The following GRIPAP1 variants were observed in gnomAD, a reference collection of about 807,000 sequenced individuals.
GRIPAP1 encodes the protein GRIP1-associated protein 1.
Under a neutral mutation model 84.1 loss-of-function variants are expected in GRIPAP1, and 14 were observed. The ratio of observed to expected loss-of-function variants is 0.17; its 90% CI spans 0.11 to 0.26. GRIPAP1 has a LOEUF of 0.26. Ranked by LOEUF, GRIPAP1 falls within the 10% of genes least tolerant of loss-of-function variation. The probability of loss-of-function intolerance (pLI) is 1.00; values close to 1 mark genes in which losing one functional copy is unlikely to be tolerated. For missense variants in GRIPAP1, 518 were observed against 674.2 expected (o/e 0.77, Z 2.57); for synonymous variants, 261 against 256.8 (o/e 1.02, Z -0.15).
intron 1 of GRIPAP1, 46 bp downstream of exon 1, chrX:49,002,142 G>GC: frequency 2.2e-6 from 2 of 917,498 alleles, no homozygotes; most frequent in Non-Finnish European, 3.1e-6. Flanking sequence ...TCGCTACCCC[G>GC]CCCCCGGTCG....
chrX:48,998,953 T>TA, intron 3 of GRIPAP1: 1 of 325,966 alleles, frequency 3.1e-6, no homozygotes, highest in Non-Finnish European at 5.3e-6. Flanking sequence ...TCGAGGTAGA[T>TA]TTACTGATAG....
Position 48,974,253 on chromosome X carries a change from C to A in GRIPAP1, c.2466G>T (p.Arg822=). ...DMEVLSQEIV[R]LSKECVGPPD... ...GAGGCCCCACGCACTCCTTGCTGAGCCGCACAATTTCCTGGGACAGAACTT... is the reference window on the plus strand; with the variant it reads ...GAGGCCCCACGCACTCCTTGCTGAGACGCACAATTTCCTGGGACAGAACTT... The change falls in exon 26 of 26, where the codon CGG becomes CGT. Residue 822 remains arginine, a synonymous_variant. Coordinates refer to ENST00000376423, the MANE Select transcript of GRIPAP1 (RefSeq NM_020137.5). 8.3e-7 allele frequency: 1 copy of A among 1,207,197 alleles called. No homozygotes were observed. The highest frequency in any genetic ancestry group is 1.1e-6 in the Non-Finnish European group (1 of 891,532).
chrX:48,985,920 T>C (rs1829180166), intron 13 of GRIPAP1, among the ~76,000 whole-genome samples: 2 of 110,779 alleles, frequency 1.8e-5, no homozygotes, highest in Non-Finnish European at 3.8e-5. Flanking sequence ...GTACATTTCA[T>C]GCACTTTACT....
At chrX:48,999,060 G>C in intron 3 of GRIPAP1, 178 bp downstream of exon 3, 1 of 376,610 alleles carries the variant, frequency 2.7e-6, no homozygotes, top group Non-Finnish European at 4.6e-6. Flanking sequence ...AATTAAGCAG[G>C]ATTAGGTAAA....
chrX:48,995,002 A>G (rs1271642718), intron 5 of GRIPAP1, among the ~76,000 whole-genome samples: 5 of 112,247 alleles, frequency 4.5e-5, no homozygotes, highest in Non-Finnish European at 9.4e-5. Context: ...CACCCCCAGA[A>G]TGTAAGCTAC....
Position 48,987,851 on chromosome X carries a change from C to T in GRIPAP1, c.975G>A (p.Gln325=), listed in dbSNP as rs1317143748. 19 of 1,198,537 alleles carry T rather than the reference C, an allele frequency of 1.6e-5. No individual in the cohort carries two copies. Among genetic ancestry groups the T allele is most frequent in the Non-Finnish European group, 2.1e-5 (19 of 887,773 alleles). ...CAGCCAAAAGCCCTTCCACTTGTTC[C>T]TGTGCATCTGCACTCTGGATGGATA... ...DQVSIQSADA[Q]EQVEGLLAEN... Residue 325 remains glutamine, a synonymous_variant, in exon 13 of 26, where the codon CAG becomes CAA. Coordinates refer to ENST00000376423, the MANE Select transcript of GRIPAP1 (RefSeq NM_020137.5).
Position 48,975,184 on chromosome X carries a change from G to C in GRIPAP1, c.2404C>G (p.Gln802Glu). ...TGCAAGTGCATATTCTTGGTGAGCT[G>C]CTCCTCCAGCATGTTCTGCAGCTTC... is the stretch of plus-strand genomic sequence containing the variant. ...NKKLQNMLEEQLTKNMHLHKD... is the reference protein window; with the variant it reads ...NKKLQNMLEEELTKNMHLHKD... The change falls in exon 25 of 26, where the codon CAG (glutamine) becomes GAG (glutamate). Residue 802 changes from glutamine (Q) to glutamate (E), a missense_variant. This residue lies in a region of GRIPAP1 where 32 missense variants were observed against 82.4 expected (regional missense o/e 0.39). Coordinates refer to ENST00000376423, the MANE Select transcript of GRIPAP1 (RefSeq NM_020137.5). The C allele has an allele frequency of 8.3e-7, 1 of 1,209,957 alleles. No homozygotes were observed. Among genetic ancestry groups the C allele is most frequent in the Non-Finnish European group, 1.1e-6 (1 of 894,407 alleles).
At chrX:48,976,954 G>A (rs948501393) in intron 22 of GRIPAP1, 3 of 109,091 alleles carry the variant, frequency 2.8e-5, no homozygotes, top group Non-Finnish European at 5.7e-5. Flanking sequence ...TGCCCAGGCT[G>A]GAGTGCAATG....
intron 1 of GRIPAP1, 50 bp from the exon 2 acceptor site, chrX:48,999,554 C>T: frequency 3.2e-6 from 3 of 942,445 alleles, no homozygotes; most frequent in Non-Finnish European, 4.6e-6. Flanking sequence ...AGCGCCCCTA[C>T]CCCTACCATG....
intron 21 of GRIPAP1, chrX:48,980,883 CAAA>C (rs374495965): frequency 1.9e-3 from 333 of 174,670 alleles, no homozygotes; most frequent in East Asian, 3.0e-3. Context: ...AACTCTGTCT[CAAA>C]AAAAAAAAAA....
At position 48,981,825 on chromosome X, in the gene GRIPAP1, C is replaced by G. The variant is rs199883406; in HGVS notation, c.1647G>C (p.Gln549His). The G allele has an allele frequency of 1.3e-5, 15 of 1,173,435 alleles. No homozygotes were observed. In the East Asian group the frequency reaches 4.1e-4, roughly 32 times the overall value. The stretch of plus-strand genomic sequence containing the variant: ...GCTCGGCAGCGTGCTGCTCCCGACA[C>G]TGCTTGAGGGCTTCCTCTTGTTCCT... The part of the protein sequence containing the change: ...QQQEQEEALK[Q>H]CREQHAAELK... Residue 549 changes from glutamine (Q) to histidine (H), a missense_variant, in exon 18 of 26, where the codon CAG becomes CAC. Gln to His is a conservative substitution (Grantham distance 24). This residue lies in a region of GRIPAP1 where 372 missense variants were observed against 458.1 expected (regional missense o/e 0.81). Transcript: ENST00000376423.
Position 48,981,691 on chromosome X carries a change from C to G in GRIPAP1, c.1678G>C (p.Gly560Arg). ...ACATCCTGTAGCTCCTCCTCCTTGC[C>G]CTGCAAAGCAGAAAGCAGCTTAGGC... The part of the protein sequence containing the change: ...CREQHAAELK[G>R]KEEELQDVRD... The change falls in exon 19 of 26, where the codon GGC becomes CGC. Residue 560 changes from glycine (G) to arginine (R), a missense_variant and splice_region_variant. Coordinates refer to ENST00000376423, the MANE Select transcript of GRIPAP1 (RefSeq NM_020137.5). 1 of 1,204,315 alleles carries G rather than the reference C, an allele frequency of 8.3e-7. No homozygotes were observed. Among genetic ancestry groups the G allele is most frequent in the Non-Finnish European group, 1.1e-6 (1 of 888,455 alleles).
Position 48,978,381 on chromosome X carries a change from C to A in GRIPAP1, c.1985G>T (p.Gly662Val). 1 of 1,209,189 alleles carries A rather than the reference C, an allele frequency of 8.3e-7. No individual in the cohort carries two copies. Residue 662 changes from glycine (G) to valine (V), a missense_variant, in exon 22 of 26, where the codon GGG (glycine) becomes GTG (valine). Gly to Val is a moderately radical substitution (Grantham distance 109). Transcript: ENST00000376423. ...EMNSPSRTQT[G>V]DSSSISSFSY... is the part of the protein sequence containing the mutation. ...GAAGGAGGAGATGCTACTGCTGTCC[C>A]CTGTCTGGGTCCGGCTTGGTGAGTT... is the stretch of plus-strand genomic sequence containing the variant.
chrX:48,983,461 A>G, intron 15 of GRIPAP1, 21 bp from the exon 16 acceptor site: 1 of 1,173,841 alleles, frequency 8.5e-7, no homozygotes, highest in Non-Finnish European at 1.2e-6. Context: ...GGACGATGGC[A>G]GTCAACTTCC....
rs782049155 is a variant in GRIPAP1, at chrX:48,987,893, C to T, written c.949-16G>A. The T allele has an allele frequency of 1.7e-6, 2 of 1,143,182 alleles. No individual in the cohort carries two copies. The highest frequency in any genetic ancestry group is 1.8e-5 in the South Asian group (1 of 54,157). 94.2% of individuals were successfully genotyped at this position (1,143,182 alleles called of 1,213,427 possible). ...GGATGGATACCTGGCCCCACGTCCA[C>T]AGCAGGTGAGAGTGGGTCCAGAACA... is the stretch of plus-strand genomic sequence containing the variant. On this transcript the variant is annotated splice_polypyrimidine_tract_variant and intron_variant, in intron 12 of 25. Coordinates refer to ENST00000376423, the MANE Select transcript of GRIPAP1 (RefSeq NM_020137.5).
chrX:48,975,590 T>C (rs1355207304), intron 24 of GRIPAP1: 2 of 343,440 alleles, frequency 5.8e-6, no homozygotes, highest in Non-Finnish European at 1.0e-5. Context: ...TTGGTCAGTA[T>C]GATTCTGATT....
rs1557061069 is a variant in GRIPAP1, at chrX:48,978,407, C to T, written c.1959G>A (p.Met653Ile). ...SGLEELVLSE[M>I]NSPSRTQTGD... ...CTGTCTGGGTCCGGCTTGGTGAGTT[C>T]ATCTCTGAGAGAACCAGCTCCTCAA... Residue 653 changes from methionine (M) to isoleucine (I), a missense_variant, in exon 22 of 26, where the codon ATG becomes ATA. Coordinates refer to ENST00000376423, the MANE Select transcript of GRIPAP1 (RefSeq NM_020137.5). 8.3e-7 allele frequency: 1 copy of T among 1,205,825 alleles called. No individual in the cohort carries two copies.
intron 4 of GRIPAP1, 95 bp downstream of exon 4, chrX:48,998,059 A>C (rs1206452058): frequency 1.7e-5 from 11 of 654,468 alleles, no homozygotes; most frequent in Non-Finnish European, 2.6e-5. Context: ...AAAGGCACAC[A>C]AAGAAAGAAA....
Position 48,983,045 on chromosome X carries a change from A to T in GRIPAP1, c.1533T>A (p.Leu511=). The change falls in exon 17 of 26, where the codon CTT becomes CTA. Residue 511 remains leucine, a synonymous_variant. Coordinates refer to ENST00000376423, the MANE Select transcript of GRIPAP1 (RefSeq NM_020137.5). ...LETLQQTVEE[L]QAQVHSMDGA... ...CATCCATGGAATGTACCTGAGCTTG[A>T]AGTTCTTCCACTGTCTGCTGGAGAG... The T allele has an allele frequency of 8.3e-7, 1 of 1,209,054 alleles. No homozygotes were observed. The highest frequency in any genetic ancestry group is 1.1e-6 in the Non-Finnish European group (1 of 892,804).
Sources: gnomAD v4.1 joint callset for allele counts (sites outside exome capture counted in the v4.1 genomes callset) on GRCh38, gnomAD v4.1.1 for gene constraint, gnomAD v4.1.1 regional missense constraint, MANE v1.5 for transcripts, NCBI Gene and HGNC (gene_info 2026-07-23, HGNC 2026-07-21) for gene names.